The following UBE2O variants were observed in gnomAD, a reference collection of about 807,000 sequenced individuals.
The protein encoded by UBE2O is (E3-independent) E2 ubiquitin-conjugating enzyme.
Under a neutral mutation model 125.8 loss-of-function variants are expected in UBE2O, and 15 were observed. That is an observed-to-expected ratio of 0.12 (90% confidence interval 0.08 to 0.18). The LOEUF is 0.18. Among genes scored for constraint, UBE2O ranks in the 10% least tolerant of loss-of-function variants. The probability of loss-of-function intolerance (pLI) is 1.00; values close to 1 mark genes in which losing one functional copy is unlikely to be tolerated. For missense variants in UBE2O, 1,280 were observed against 1,723.6 expected, an observed-to-expected ratio of 0.74 and a Z score of 4.56; for synonymous variants, 708 against 703.2, an observed-to-expected ratio of 1.01 and a Z score of -0.11.
rs774365638 is a variant in UBE2O, at chr17:76,390,971, C to T, written c.3851G>A (p.Gly1284Asp). ...TQFRAALLEA[G>D]MPECTEDK ...CTTGTCCTCTGTGCACTCCGGCATG[C>T]CTGCCTCTAGCAGGGCAGCCCGGAA... Residue 1284 changes from glycine (G) to aspartate (D), a missense_variant, in exon 18 of 18, where the codon GGC (glycine) becomes GAC (aspartate). By Grantham distance (94) the Gly-to-Asp change is moderately conservative. Coordinates refer to ENST00000319380, the MANE Select transcript of UBE2O (RefSeq NM_022066.4). The T allele has an allele frequency of 1.9e-6, 3 of 1,611,382 alleles. No individual in the cohort carries two copies. Among genetic ancestry groups the T allele is most frequent in the South Asian group, 1.1e-5 (1 of 90,704 alleles).
chr17:76,394,597 T>C (rs186426056), intron 15 of UBE2O, among the ~76,000 whole-genome samples: 26 of 152,350 alleles, frequency 1.7e-4, no homozygotes, highest in Admixed American at 1.2e-3. Flanking sequence ...TACAAAATAT[T>C]ATGTACTTAT....
At chr17:76,419,979 T>G (rs2072681748) in intron 1 of UBE2O, among the ~76,000 whole-genome samples, 1 of 151,950 alleles carries the variant, frequency 6.6e-6, no homozygotes, top group Admixed American at 6.6e-5. Flanking sequence ...CTTCATCACC[T>G]CCCTGCAACT....
chr17:76,439,387 C>T (rs1293362381), intron 1 of UBE2O, among the ~76,000 whole-genome samples: 9 of 152,156 alleles, frequency 5.9e-5, no homozygotes, highest in Non-Finnish European at 1.2e-4. Flanking sequence ...ATCCCTGAAA[C>T]CCTTTCAGGA....
At position 76,402,213 on chromosome 17, in the gene UBE2O, C is replaced by T; in HGVS notation, c.687-86G>A. 2 of 1,226,914 alleles carry T rather than the reference C, an allele frequency of 1.6e-6. No individual in the cohort carries two copies. The highest frequency in any genetic ancestry group is 1.3e-5 in the South Asian group (1 of 77,836). 76.0% of individuals were successfully genotyped at this position (1,226,914 alleles called of 1,614,324 possible). On this transcript the variant is annotated intron_variant, in intron 4 of 17. Coordinates refer to ENST00000319380, the MANE Select transcript of UBE2O (RefSeq NM_022066.4). This position sits in a 1 kb window ranked among gnomAD's most constrained non-coding sequence, Gnocchi z 5.4. ...CGATTCTGAGATGCCAATGCGCCCA[C>T]ATGCCCTAAATAGCACAATTCGTCT...
chr17:76,392,117 G>T lies in UBE2O; in HGVS notation c.2947-4C>A. ...TGATGAGAGCTGAGAAGAGGTCCTA[G>T]GTAGGGAGGGAGGGAGGGAGGCCAA... is the stretch of plus-strand genomic sequence containing the variant. On this transcript the variant is annotated splice_polypyrimidine_tract_variant and splice_region_variant and intron_variant, in intron 15 of 17. Transcript: ENST00000319380. The T allele has an allele frequency of 6.8e-7, 1 of 1,477,174 alleles. No homozygotes were observed. Among genetic ancestry groups the T allele is most frequent in the Non-Finnish European group, 9.0e-7 (1 of 1,107,044 alleles). 91.5% of individuals were successfully genotyped at this position (1,477,174 alleles called of 1,614,324 possible).
chr17:76,397,997 G>T, intron 12 of UBE2O, 109 bp from the exon 13 acceptor site: 2 of 1,236,464 alleles, frequency 1.6e-6, no homozygotes, highest in Non-Finnish European at 1.2e-6. Context: ...TTGTGACAAG[G>T]AACTTAGCTC....
chr17:76,443,994 A>C (rs1322716658), intron 1 of UBE2O, among the ~76,000 whole-genome samples: 3 of 151,950 alleles, frequency 2.0e-5, no homozygotes, highest in Non-Finnish European at 4.4e-5. Flanking sequence ...GCTGAGGCGG[A>C]TGGATCACCT....
chr17:76,434,884 G>A (rs1253752975), intron 1 of UBE2O, among the ~76,000 whole-genome samples: 1 of 150,710 alleles, frequency 6.6e-6, no homozygotes, highest in African/African-American at 2.4e-5. Context: ...CACCTCCATC[G>A]GTGGTACCTC....
At chr17:76,392,997 C>T (rs1395342224) in intron 15 of UBE2O, among the ~76,000 whole-genome samples, 1 of 151,688 alleles carries the variant, frequency 6.6e-6, no homozygotes, top group African/African-American at 2.4e-5. Flanking sequence ...ATGGCTCACA[C>T]CTGTAATCCC....
Position 76,390,744 on chromosome 17 carries a change from G to T in UBE2O, c.*199C>A. On this transcript the variant is annotated 3_prime_UTR_variant, in exon 18 of 18. Transcript: ENST00000319380. ...CTTTGCCACAGGGGACCCGCCTGTT[G>T]AAAGCTCGCTTCAAAATAGAAACGG... 2.0e-6 allele frequency: 1 copy of T among 505,874 alleles called. No individual in the cohort carries two copies. The highest frequency in any genetic ancestry group is 3.4e-6 in the Non-Finnish European group (1 of 296,506). 31.3% of individuals were successfully genotyped at this position (505,874 alleles called of 1,614,324 possible). A position where few individuals can be genotyped will look rare whatever the true frequency, so the allele number is the denominator to read the frequency against.
Position 76,435,836 on chromosome 17 carries a change from AC to A in UBE2O, c.417+16888del, listed in dbSNP as rs548018136. On this transcript the variant is annotated intron_variant, in intron 1 of 17. Transcript: ENST00000319380. ...AGCCTGTCCCGCAAAGCTCAGTGAC[AC>A]CCCGGCACAGAGGGGACAGAAAACA... Among the ~76,000 whole-genome samples the A allele has an allele frequency of 5.9e-5, 9 of 152,262 alleles. No individual in the cohort carries two copies. In the East Asian group the frequency reaches 1.7e-3, roughly 29 times the overall value.
chr17:76,402,080 G>A lies in UBE2O; in HGVS notation c.734C>T (p.Pro245Leu), dbSNP rs140600896. 1.3e-5 allele frequency: 21 copies of A among 1,613,544 alleles called. No homozygotes were observed. Among genetic ancestry groups the A allele is most frequent in the Admixed American group, 8.3e-5 (5 of 59,982 alleles). The change falls in exon 5 of 18, where the codon CCG (proline) becomes CTG (leucine). Residue 245 changes from proline (P) to leucine (L), a missense_variant. Coordinates refer to ENST00000319380, the MANE Select transcript of UBE2O (RefSeq NM_022066.4). The surrounding 1 kb of genome is among the most constrained non-coding windows in gnomAD (Gnocchi z 5.4). ...EDGAKLYDVC[P>L]HVSDSGLFFD... The stretch of plus-strand genomic sequence containing the variant: ...GCACACTACCGAGTCGCTGACGTGC[G>A]GGCAGACGTCGTAGAGCTTGGCGCC...
chr17:76,441,241 A>C (rs2073071841), intron 1 of UBE2O, among the ~76,000 whole-genome samples: 1 of 152,246 alleles, frequency 6.6e-6, no homozygotes, highest in Non-Finnish European at 1.5e-5. Context: ...AATGCTGAAT[A>C]ATCATTCTCC....
Position 76,395,923 on chromosome 17 carries a change from C to A in UBE2O, c.2810-62G>T. 1 of 1,607,190 alleles carries A rather than the reference C, an allele frequency of 6.2e-7. No individual in the cohort carries two copies. The highest frequency in any genetic ancestry group is 8.5e-7 in the Non-Finnish European group (1 of 1,177,752). ...GAGGCCCTGGAGCTCCATCTGCCAA[C>A]CTGGCTGGACAGGTGAGCACACCCA... is the stretch of plus-strand genomic sequence containing the variant. On this transcript the variant is annotated intron_variant, in intron 14 of 17. Coordinates refer to ENST00000319380, the MANE Select transcript of UBE2O (RefSeq NM_022066.4). This position sits in a 1 kb window ranked among gnomAD's most constrained non-coding sequence, Gnocchi z 5.0.
At chr17:76,433,419 A>G (rs2072933825) in intron 1 of UBE2O, among the ~76,000 whole-genome samples, 2 of 148,460 alleles carry the variant, frequency 1.3e-5, no homozygotes, top group South Asian at 4.5e-4. Flanking sequence ...GGCTTCCAGG[A>G]GTTGGGAGGG....
intron 1 of UBE2O, among the ~76,000 whole-genome samples, chr17:76,433,244 T>C (rs189826195): frequency 1.1e-4 from 17 of 151,748 alleles, no homozygotes; most frequent in Admixed American, 4.6e-4. Context: ...ATCCATATGA[T>C]AGAATATTAT....
At chr17:76,397,675 T>C (rs2072237894) in intron 13 of UBE2O, 124 bp downstream of exon 13, 1 of 957,636 alleles carries the variant, frequency 1.0e-6, no homozygotes, top group Non-Finnish European at 1.6e-6. Context: ...GCCTTTCCCC[T>C]CACGCTTTCG....
At position 76,452,975 on chromosome 17, in the gene UBE2O, G is replaced by A; in HGVS notation, c.167C>T (p.Ser56Leu). The change falls in exon 1 of 18, where the codon TCG (serine) becomes TTG (leucine). Residue 56 changes from serine (S) to leucine (L), a missense_variant. Physicochemically the swap from Ser to Leu is moderately radical, Grantham distance 145. This residue lies in a region of UBE2O where 188 missense variants were observed against 192.5 expected (regional missense o/e 0.98). Coordinates refer to ENST00000319380, the MANE Select transcript of UBE2O (RefSeq NM_022066.4). The surrounding 1 kb of genome is among the most constrained non-coding windows in gnomAD (Gnocchi z 4.4). Reference protein sequence around the residue: ...PSSDSGPEAGSQRLLFSHDLV... With the variant: ...PSSDSGPEAGLQRLLFSHDLV... ...GTCGTGAGAAAACAGCAGGCGCTGCGAGCCGGCTTCTGGGCCGGAGTCCGA... is the reference window on the plus strand; with the variant it reads ...GTCGTGAGAAAACAGCAGGCGCTGCAAGCCGGCTTCTGGGCCGGAGTCCGA... The A allele has an allele frequency of 6.7e-6, 10 of 1,494,888 alleles. No homozygotes were observed. The highest frequency in any genetic ancestry group is 3.0e-5 in the East Asian group (1 of 33,556). The allele number at this position is 1,494,888 out of a possible 1,614,324, so 92.6% of individuals were successfully genotyped here.
chr17:76,442,636 G>A (rs915582548), intron 1 of UBE2O, among the ~76,000 whole-genome samples: 1 of 152,270 alleles, frequency 6.6e-6, no homozygotes, highest in Non-Finnish European at 1.5e-5. Flanking sequence ...GCACAATTGA[G>A]TTGGGGAAAA....
Sources: allele counts gnomAD v4.1 joint callset (sites outside exome capture counted in the v4.1 genomes callset), GRCh38; gene constraint gnomAD v4.1.1; regional missense constraint gnomAD v4.1.1; non-coding constraint Gnocchi (gnomAD v3.1); transcripts MANE v1.5; gene names NCBI Gene and HGNC (gene_info 2026-07-23, HGNC 2026-07-21).